Variants in FILIP1 observed in about 807,000 individuals in gnomAD.
FILIP1 encodes filamin A interacting protein 1.
A neutral mutation model predicts 102.1 loss-of-function variants in FILIP1; 61 were observed. That is an observed-to-expected ratio of 0.60 (90% CI 0.49 to 0.74). The LOEUF (loss-of-function observed/expected upper bound fraction) is 0.74, where lower values mean the gene tolerates loss of function less well. Ranked by LOEUF, FILIP1 falls within the 30% of genes least tolerant of loss-of-function variation. The probability of loss-of-function intolerance (pLI) is 0.00; values close to 1 mark genes in which losing one functional copy is unlikely to be tolerated. For missense variants in FILIP1, 1,314 were observed against 1,441.2 expected, an observed-to-expected ratio of 0.91 and a Z score of 1.43; for synonymous variants, 491 against 526.9, an observed-to-expected ratio of 0.93 and a Z score of 0.93.
intron 2 of FILIP1, chr6:75,398,954 T>A (rs1303916599): frequency 8.5e-5 from 13 of 152,192 alleles, no homozygotes; most frequent in Non-Finnish European, 4.4e-5. Flanking sequence ...GCAACTGATT[T>A]CACAGCTAAG....
rs549113806 is a variant in FILIP1 at position 75,435,755 on chromosome 6, A to AT, written c.-6-20778dup. Among the ~76,000 whole-genome samples the AT allele has an allele frequency of 3.4e-4, 52 of 152,286 alleles. 2 individuals are homozygous for AT. In the South Asian group the frequency reaches 0.01, roughly 30 times the overall value. On this transcript the variant is annotated intron_variant, in intron 1 of 5. Coordinates refer to ENST00000237172, the MANE Select transcript of FILIP1 (RefSeq NM_015687.5). Reference sequence around the variant, plus strand: ...CTGCTGAGTGACTTTTCCCGTCATCATTGATACTACTGAGGTGTTATCAAA... The same window carrying AT: ...CTGCTGAGTGACTTTTCCCGTCATCATTTGATACTACTGAGGTGTTATCAAA...
chr6:75,304,994 C>G (rs1274657267), downstream of FILIP1, among the ~76,000 whole-genome samples: 1 of 152,156 alleles, frequency 6.6e-6, no homozygotes, highest in Non-Finnish European at 1.5e-5. Flanking sequence ...GCAGTAGCTA[C>G]AGAGGACTGC....
chr6:75,419,032 A>G (rs1328904246), intron 1 of FILIP1, among the ~76,000 whole-genome samples: 1 of 151,872 alleles, frequency 6.6e-6, no homozygotes, highest in East Asian at 1.9e-4. Flanking sequence ...ACAATGCCAG[A>G]GCATACTGTC....
chr6:75,400,638 A>G (rs1424838793), intron 2 of FILIP1, among the ~76,000 whole-genome samples: 2 of 152,010 alleles, frequency 1.3e-5, no homozygotes, highest in Non-Finnish European at 2.9e-5. Context: ...GAACCGCAGG[A>G]GCTTTGATCA....
chr6:75,411,143 G>A (rs1006320380), intron 2 of FILIP1, among the ~76,000 whole-genome samples: 2 of 152,132 alleles, frequency 1.3e-5, no homozygotes, highest in Non-Finnish European at 2.9e-5. Context: ...TCTCACTGTG[G>A]TTTCGATTTG....
downstream of FILIP1, among the ~76,000 whole-genome samples, chr6:75,307,386 A>G (rs1773020054): frequency 6.6e-6 from 1 of 152,180 alleles, no homozygotes; most frequent in South Asian, 2.1e-4. Context: ...TATCCATATA[A>G]TTTTGGAACA....
chr6:75,395,811 G>A (rs971487474), intron 2 of FILIP1, among the ~76,000 whole-genome samples: 9 of 152,208 alleles, frequency 5.9e-5, no homozygotes, highest in South Asian at 2.1e-4. Flanking sequence ...TGGACAGAAC[G>A]GAAGTTCTCT....
At chr6:75,295,173 T>C (rs921116307) in exon 7 of FILIP1, 1 of 152,218 alleles carries the variant, frequency 6.6e-6, no homozygotes, top group Non-Finnish European at 1.5e-5. Context: ...GAAGCTGTTC[T>C]TATTGCCCTT....
chr6:75,461,661 G>A (rs1049333219), intron 1 of FILIP1, among the ~76,000 whole-genome samples: 2 of 152,122 alleles, frequency 1.3e-5, no homozygotes, highest in Admixed American at 6.5e-5. Flanking sequence ...GGGATATACA[G>A]CAATTATTTG....
At chr6:75,366,421 A>G (rs1488830962) in intron 2 of FILIP1, among the ~76,000 whole-genome samples, 8 of 152,226 alleles carry the variant, frequency 5.3e-5, no homozygotes. Context: ...AAATATAGGA[A>G]TAAAATTTTT....
intron 2 of FILIP1, among the ~76,000 whole-genome samples, chr6:75,397,585 C>CAT (rs143716551): frequency 0.13 from 3,798 of 29,952 alleles, 158 homozygotes; most frequent in African/African-American, 0.2. Flanking sequence ...CACACGTATA[C>CAT]ATATATATAT....
intron 3 of FILIP1, among the ~76,000 whole-genome samples, chr6:75,361,367 G>A (rs558649976): frequency 8.8e-4 from 134 of 152,322 alleles, no homozygotes; most frequent in Admixed American, 1.5e-3. Flanking sequence ...GGTGGTGAGG[G>A]TGGGGAGTGT....
intron 4 of FILIP1, among the ~76,000 whole-genome samples, chr6:75,331,796 T>C (rs1774093915): frequency 6.6e-6 from 1 of 152,096 alleles, no homozygotes; most frequent in Non-Finnish European, 1.5e-5. Context: ...CCTGCACGAC[T>C]GCAGTGAATT....
intron 4 of FILIP1, chr6:75,319,515 T>C: frequency 8.6e-6 from 5 of 579,070 alleles, no homozygotes; most frequent in Middle Eastern, 5.6e-4. Flanking sequence ...GACATGGTCT[T>C]CTACCTCTCT....
chr6:75,309,842 CT>C (rs1773118806), intron 5 of FILIP1, among the ~76,000 whole-genome samples: 1 of 152,176 alleles, frequency 6.6e-6, no homozygotes, highest in South Asian at 2.1e-4. Context: ...CTCATTTTCA[CT>C]ACCATAGTTC....
intron 2 of FILIP1, among the ~76,000 whole-genome samples, chr6:75,383,939 T>A (rs984837002): frequency 6.6e-6 from 1 of 152,150 alleles, no homozygotes; most frequent in Non-Finnish European, 1.5e-5. Context: ...CATATATCCA[T>A]ATAGAACCTC....
chr6:75,366,004 A>T (rs528155746), intron 2 of FILIP1: 77 of 152,284 alleles, frequency 5.1e-4, no homozygotes, highest in African/African-American at 1.7e-3. Flanking sequence ...TTATTCTATG[A>T]CCTCTTTTTG....
chr6:75,441,715 C>G (rs1487498264), intron 1 of FILIP1, among the ~76,000 whole-genome samples: 2 of 142,082 alleles, frequency 1.4e-5, no homozygotes, highest in Non-Finnish European at 3.1e-5. Context: ...GGGACTGACC[C>G]CCCCACCTCC....
rs181617074 is a variant in FILIP1 at position 75,453,197 on chromosome 6, C to T, written c.-6-38219G>A. 1.2e-4 allele frequency among the ~76,000 whole-genome samples: 18 copies of T among 152,292 alleles called. No individual in the cohort carries two copies. The East Asian group carries it at 3.3e-3, about 28-fold the overall frequency. The stretch of plus-strand genomic sequence containing the variant: ...TTCTCCCCTTTGCTTTGCTTTGCTT[C>T]TTTAGTCATCTTACCCGAAGGCCTA... On this transcript the variant is annotated intron_variant, in intron 1 of 5. Transcript: ENST00000237172.
Sources: allele counts gnomAD v4.1 joint callset (sites outside exome capture counted in the v4.1 genomes callset), GRCh38; gene constraint gnomAD v4.1.1; transcripts MANE v1.5; gene names NCBI Gene and HGNC (gene_info 2026-07-23, HGNC 2026-07-21).